The following PRKG1 variants were observed in gnomAD, a reference collection of about 807,000 sequenced individuals.
The protein encoded by PRKG1 is protein kinase cGMP-dependent 1, also known as cGMP-dependent protein kinase 1.
A neutral mutation model predicts 88.1 loss-of-function variants in PRKG1; 35 were observed. That is an observed-to-expected ratio of 0.40 (90% confidence interval 0.30 to 0.53). PRKG1 has a LOEUF of 0.53. Ranked by LOEUF, PRKG1 falls within the 20% of genes least tolerant of loss-of-function variation. PRKG1 has a pLI of 0.59. For synonymous variants in PRKG1, 303 were observed against 292.5 expected, an observed-to-expected ratio of 1.04 and a Z score of -0.37; for missense variants, 540 against 839.8, an observed-to-expected ratio of 0.64 and a Z score of 4.41.
intron 2 of PRKG1, among the ~76,000 whole-genome samples, chr10:51,404,998 T>G (rs891192773): frequency 1.3e-5 from 2 of 152,224 alleles, no homozygotes; most frequent in East Asian, 3.8e-4. Flanking sequence ...TTCTGCAGTA[T>G]GAGTAAACAT....
intron 5 of PRKG1, among the ~76,000 whole-genome samples, chr10:51,959,314 T>A (rs989128769): frequency 6.6e-6 from 1 of 152,190 alleles, no homozygotes; most frequent in Non-Finnish European, 1.5e-5. Context: ...ATAGTTGAGC[T>A]GTGCCTTGAA....
chr10:51,081,499 C>T (rs141348399), intron 1 of PRKG1, among the ~76,000 whole-genome samples: 1 of 152,344 alleles, frequency 6.6e-6, no homozygotes, highest in Non-Finnish European at 1.5e-5. Context: ...TAGACCAGTG[C>T]TTGTTTTGAA....
intron 1 of PRKG1, among the ~76,000 whole-genome samples, chr10:51,019,002 G>A (rs1843101667): frequency 6.6e-6 from 1 of 152,076 alleles, no homozygotes; most frequent in Non-Finnish European, 1.5e-5. Context: ...GTTACAAAAG[G>A]GATCTTTGCT....
chr10:51,045,022 G>T (rs1843469167), intron 1 of PRKG1, among the ~76,000 whole-genome samples: 1 of 152,122 alleles, frequency 6.6e-6, no homozygotes, highest in Admixed American at 6.5e-5. Context: ...TGTTTGTGTG[G>T]CAAGGAAACT....
In PRKG1 at chr10:51,990,755, T is replaced by C. The variant is rs7080324; in HGVS notation, c.763-63729T>C. ...CTCTGAGAGGCTCCAGTGTCTGTTG[T>C]TCCTCTCTATGTGTCCATGCGTTCT... On this transcript the variant is annotated intron_variant, in intron 5 of 17. Coordinates refer to ENST00000373980, the MANE Select transcript of PRKG1 (RefSeq NM_006258.4). Among the ~76,000 whole-genome samples the C allele has an allele frequency of 3.8e-3, 571 of 152,260 alleles. 1 individual carries two copies. Among genetic ancestry groups the C allele is most frequent in the African/African-American group, 0.013 (555 of 41,556 alleles).
chr10:51,794,168 A>G lies in PRKG1; in HGVS notation c.593-10417A>G, dbSNP rs187735104. Among the ~76,000 whole-genome samples the G allele has an allele frequency of 1.6e-3, 242 of 152,322 alleles. 1 individual carries two copies. The highest frequency in any genetic ancestry group is 3.0e-3 in the Admixed American group (46 of 15,292). ...AAGAGGATATAACAATTGTAAATAT[A>G]TATGCACCCAACATCAGAACACTTA... is the stretch of plus-strand genomic sequence containing the variant. On this transcript the variant is annotated intron_variant, in intron 3 of 17. Transcript: ENST00000373980.
intron 2 of PRKG1, among the ~76,000 whole-genome samples, chr10:51,254,144 T>C (rs1398877979): frequency 2.0e-5 from 3 of 151,902 alleles, no homozygotes; most frequent in Non-Finnish European, 2.9e-5. Context: ...TTGGAATAGA[T>C]TGTTTAAAGA....
chr10:51,986,922 G>C (rs1014019826), intron 5 of PRKG1, among the ~76,000 whole-genome samples: 1 of 152,214 alleles, frequency 6.6e-6, no homozygotes, highest in Middle Eastern at 3.4e-3. Flanking sequence ...CAGGGAGATG[G>C]GGAAGTCTGT....
chr10:51,629,791 G>A (rs545216236), intron 3 of PRKG1, among the ~76,000 whole-genome samples: 2 of 152,188 alleles, frequency 1.3e-5, no homozygotes, highest in East Asian at 3.9e-4. Context: ...TCCAGTTCGC[G>A]GGTATTTTAT....
intron 10 of PRKG1, among the ~76,000 whole-genome samples, chr10:52,263,988 C>T (rs1160955832): frequency 6.6e-6 from 1 of 152,096 alleles, no homozygotes; most frequent in Admixed American, 6.6e-5. Flanking sequence ...GTTCAATAAT[C>T]TAAATACCCA....
chr10:51,040,223 C>T (rs1843401537), intron 1 of PRKG1, among the ~76,000 whole-genome samples: 1 of 116,102 alleles, frequency 8.6e-6, no homozygotes, highest in Non-Finnish European at 1.7e-5. Flanking sequence ...GAATATCTTT[C>T]CATTCCATTT....
chr10:51,279,801 C>G (rs961970614), intron 2 of PRKG1, among the ~76,000 whole-genome samples: 1 of 152,200 alleles, frequency 6.6e-6, no homozygotes, highest in South Asian at 2.1e-4. Context: ...GAATACAGCA[C>G]ACTGATGGGT....
intron 3 of PRKG1, among the ~76,000 whole-genome samples, chr10:51,782,349 T>C (rs1041074866): frequency 1.3e-5 from 2 of 152,118 alleles, no homozygotes; most frequent in African/African-American, 4.8e-5. Flanking sequence ...TATTATAGCT[T>C]GAATGCAAGC....
At chr10:52,034,129 A>G (rs1845543233) in intron 5 of PRKG1, among the ~76,000 whole-genome samples, 1 of 152,114 alleles carries the variant, frequency 6.6e-6, no homozygotes, top group South Asian at 2.1e-4. Flanking sequence ...GTGATTCTTC[A>G]GTTACTTCAG....
chr10:51,365,819 G>C (rs1842576486), intron 2 of PRKG1, among the ~76,000 whole-genome samples: 1 of 151,680 alleles, frequency 6.6e-6, no homozygotes, highest in African/African-American at 2.4e-5. Context: ...ATTCTTACTA[G>C]TTTCCCTTCA....
chr10:51,799,552 G>T (rs780491357), intron 3 of PRKG1, among the ~76,000 whole-genome samples: 2 of 151,906 alleles, frequency 1.3e-5, no homozygotes, highest in African/African-American at 2.4e-5. Flanking sequence ...GGTCTGTGAG[G>T]ACACTGTTGA....
chr10:51,740,673 T>C (rs2132489652), intron 3 of PRKG1, among the ~76,000 whole-genome samples: 1 of 152,260 alleles, frequency 6.6e-6, no homozygotes, highest in South Asian at 2.1e-4. Flanking sequence ...ATGAAAATCA[T>C]TTTTACTCCA....
At chr10:51,143,874 A>T (rs556220662) in intron 1 of PRKG1, among the ~76,000 whole-genome samples, 3 of 151,754 alleles carry the variant, frequency 2.0e-5, no homozygotes, top group African/African-American at 7.2e-5. Flanking sequence ...TGGGTATTAA[A>T]CCCTGGTCAT....
chr10:51,397,796 G>T (rs1268040273), intron 2 of PRKG1, among the ~76,000 whole-genome samples: 1 of 152,060 alleles, frequency 6.6e-6, no homozygotes, highest in East Asian at 1.9e-4. Context: ...GTTTCCCAGG[G>T]TTAAATGGCA....
Sources: allele counts gnomAD v4.1 joint callset (sites outside exome capture counted in the v4.1 genomes callset), GRCh38; gene constraint gnomAD v4.1.1; transcripts MANE v1.5; gene names NCBI Gene and HGNC (gene_info 2026-07-23, HGNC 2026-07-21).